RNF141: variants seen among roughly 807,000 people sequenced by gnomAD.
RNF141 encodes C3HC4-like zinc finger protein.
Under a neutral mutation model 27.4 loss-of-function variants are expected in RNF141, and 18 were observed. The observed-to-expected ratio is 0.66, with a 90% confidence interval of 0.45 to 0.97. The LOEUF (loss-of-function observed/expected upper bound fraction) is 0.97. RNF141 is among the 50% of genes least tolerant of loss of function. RNF141 has a pLI of 0.00. For synonymous variants in RNF141, 97 were observed against 96.6 expected (o/e 1.00, Z -0.02); for missense variants, 230 against 279.4 (o/e 0.82, Z 1.26).
At chr11:10,522,625 G>A (rs1161009250) in intron 4 of RNF141, among the ~76,000 whole-genome samples, 4 of 152,212 alleles carry the variant, frequency 2.6e-5, no homozygotes, top group African/African-American at 7.2e-5. Context: ...AGAAGGTTCA[G>A]TGAGAATTTG....
At chr11:10,530,615 C>G (rs1849977316) in intron 3 of RNF141, 28 bp downstream of exon 3, 1 of 1,303,748 alleles carries the variant, frequency 7.7e-7, no homozygotes, top group South Asian at 1.3e-5. Context: ...AGCTTAAGCT[C>G]AGAGGTAGAA....
intron 4 of RNF141, among the ~76,000 whole-genome samples, chr11:10,521,546 C>A (rs538284486): frequency 6.6e-6 from 1 of 152,284 alleles, no homozygotes; most frequent in South Asian, 2.1e-4. Context: ...GTTTTCCATT[C>A]CCTGTTGTGC....
chr11:10,536,567 T>C (rs1850038872), intron 1 of RNF141, among the ~76,000 whole-genome samples: 1 of 152,112 alleles, frequency 6.6e-6, no homozygotes, highest in Non-Finnish European at 1.5e-5. Flanking sequence ...CAAAAACACA[T>C]ATGTAAGATG....
intron 5 of RNF141, among the ~76,000 whole-genome samples, chr11:10,518,062 T>C (rs1849856656): frequency 6.6e-6 from 1 of 152,166 alleles, no homozygotes; most frequent in African/African-American, 2.4e-5. Flanking sequence ...ACAGCGTATG[T>C]GGATAGGAAG....
chr11:10,538,667 G>T (rs1391757460), intron 1 of RNF141, among the ~76,000 whole-genome samples: 3 of 152,144 alleles, frequency 2.0e-5, no homozygotes, highest in African/African-American at 7.2e-5. Context: ...AATACCATTG[G>T]CAGTTTTTGT....
chr11:10,534,477 T>TAC (rs3074399), intron 1 of RNF141, among the ~76,000 whole-genome samples: 5,131 of 149,948 alleles, frequency 0.034, 102 homozygotes, highest in Non-Finnish European at 0.046. Flanking sequence ...TGTGCATGTG[T>TAC]ACACACACAC....
intron 4 of RNF141, 141 bp from the exon 5 acceptor site, chr11:10,519,282 AAATT>A (rs1184000977): frequency 1.9e-6 from 1 of 529,486 alleles, no homozygotes; most frequent in African/African-American, 2.0e-5. Context: ...AATCAGACTA[AAATT>A]AATATTATCT....
chr11:10,515,119 G>T, intron 5 of RNF141, 53 bp from the exon 6 acceptor site: 1 of 1,549,530 alleles, frequency 6.5e-7, no homozygotes. Context: ...TTAAAAACAG[G>T]ATTTTATTTA....
chr11:10,515,039 A>T lies in RNF141; in HGVS notation c.570T>A (p.Ile190=). 6.2e-7 allele frequency: 1 copy of T among 1,613,942 alleles called. No homozygotes were observed. Among genetic ancestry groups the T allele is most frequent in the Middle Eastern group, 1.6e-4 (1 of 6,062 alleles). ...KWSDRHRNCP[I]CRLQMTGANE... ...TTGCTCCAGTCATCTGTAGGCGACA[A>T]ATAGGGCAATTCCTGTGTCGATCAC... The change falls in exon 6 of 6, where the codon ATT becomes ATA. Residue 190 remains isoleucine, a synonymous_variant. Coordinates refer to ENST00000265981, the MANE Select transcript of RNF141 (RefSeq NM_016422.4).
rs1168722009 is a variant in RNF141 at position 10,514,224 on chromosome 11, G to A, written c.*692C>T. The A allele has an allele frequency of 6.6e-6, 1 of 152,048 alleles. No individual in the cohort carries two copies. Among genetic ancestry groups the A allele is most frequent in the Non-Finnish European group, 1.5e-5 (1 of 68,024 alleles). 9.4% of individuals were successfully genotyped at this position (152,048 alleles called of 1,614,324 possible). ...CAGAACAGCCAAGAAAATTCCCCAG[G>A]AGAAATCCATTTGCAAAGGAAAGTC... On this transcript the variant is annotated 3_prime_UTR_variant, in exon 6 of 6. Transcript: ENST00000265981.
At chr11:10,534,880 T>A (rs1310517855) in intron 1 of RNF141, among the ~76,000 whole-genome samples, 1 of 152,100 alleles carries the variant, frequency 6.6e-6, no homozygotes, top group Non-Finnish European at 1.5e-5. Context: ...TTTTAATTTT[T>A]AAAAATATAT....
chr11:10,538,101 T>C (rs530612437), intron 1 of RNF141, among the ~76,000 whole-genome samples: 1 of 152,372 alleles, frequency 6.6e-6, no homozygotes, highest in African/African-American at 2.4e-5. Flanking sequence ...TAATAGAAAA[T>C]GATCCCCTTT....
At position 10,514,828 on chromosome 11, in the gene RNF141, T is replaced by C; in HGVS notation, c.*88A>G. 2.4e-6 allele frequency: 3 copies of C among 1,232,522 alleles called. No individual in the cohort carries two copies. The highest frequency in any genetic ancestry group is 3.3e-6 in the Non-Finnish European group (3 of 909,752). 76.3% of individuals were successfully genotyped at this position (1,232,522 alleles called of 1,614,324 possible). On this transcript the variant is annotated 3_prime_UTR_variant, in exon 6 of 6. Coordinates refer to ENST00000265981, the MANE Select transcript of RNF141 (RefSeq NM_016422.4). Reference sequence around the variant, plus strand: ...AGAGTGGGGAAAATGGATTTTCCTGTGTCTGTGCCAGTGCCACAACCCTAC... The same window carrying C: ...AGAGTGGGGAAAATGGATTTTCCTGCGTCTGTGCCAGTGCCACAACCCTAC...
chr11:10,534,239 T>C, intron 1 of RNF141, 34 bp from the exon 2 acceptor site: 1 of 1,487,092 alleles, frequency 6.7e-7, no homozygotes, highest in Non-Finnish European at 9.1e-7. Context: ...CTTTTACATA[T>C]TATACAAAAA....
chr11:10,525,036 G>A (rs1564866977), intron 4 of RNF141, among the ~76,000 whole-genome samples, 156 bp downstream of exon 4: 1 of 150,696 alleles, frequency 6.6e-6, no homozygotes. Flanking sequence ...AACATCCGAA[G>A]CACAGAATAA....
chr11:10,537,988 A>T (rs555613816), intron 1 of RNF141, among the ~76,000 whole-genome samples: 1 of 152,218 alleles, frequency 6.6e-6, no homozygotes, highest in Non-Finnish European at 1.5e-5. Context: ...TGTGCTTTTA[A>T]CTCAAAATAA....
chr11:10,514,690 T>A lies in RNF141; in HGVS notation c.*226A>T, dbSNP rs1444428834. Reference sequence around the variant, plus strand: ...TTGTAATAATACAAATTTGAACAGATAAATAATAGGAAAATATGGTCTAAA... The same window carrying A: ...TTGTAATAATACAAATTTGAACAGAAAAATAATAGGAAAATATGGTCTAAA... On this transcript the variant is annotated 3_prime_UTR_variant, in exon 6 of 6. Transcript: ENST00000265981. 4.8e-6 allele frequency: 2 copies of A among 417,148 alleles called. No individual in the cohort carries two copies. Among genetic ancestry groups the A allele is most frequent in the Non-Finnish European group, 8.4e-6 (2 of 238,698 alleles). The allele number at this position is 417,148 out of a possible 1,614,324, so 25.8% of individuals were successfully genotyped here. A position where few individuals can be genotyped will look rare whatever the true frequency, so the allele number is the denominator to read the frequency against.
intron 1 of RNF141, among the ~76,000 whole-genome samples, chr11:10,539,702 G>GT (rs1850074920): frequency 7.3e-4 from 1 of 1,362 alleles, no homozygotes; most frequent in Admixed American, 8.6e-3. Flanking sequence ...ATATATATTA[G>GT]AGAGAGAAGG....
chr11:10,525,346 C>T lies in RNF141; in HGVS notation c.280G>A (p.Ala94Thr). The T allele has an allele frequency of 6.3e-7, 1 of 1,594,300 alleles. No homozygotes were observed. The highest frequency in any genetic ancestry group is 1.2e-5 in the South Asian group (1 of 86,616). The stretch of plus-strand genomic sequence containing the variant: ...TGGTATAAATTCATGATCCGTGATG[C>T]CTCCACAATGCCACTGCTTTTGTTA... ...KINKSSGIVE[A>T]SRIMNLYQFI... The change falls in exon 4 of 6, where the codon GCA becomes ACA. Residue 94 changes from alanine to threonine, a missense_variant. Transcript: ENST00000265981.
Sources: gnomAD v4.1 joint callset for allele counts (sites outside exome capture counted in the v4.1 genomes callset) on GRCh38, gnomAD v4.1.1 for gene constraint, MANE v1.5 for transcripts, NCBI Gene and HGNC (gene_info 2026-07-23, HGNC 2026-07-21) for gene names.